Variants in SBK1 observed in about 807,000 individuals in gnomAD.
SBK1 encodes serine/threonine-protein kinase SBK1.
In SBK1, 11 loss-of-function variants were observed where a neutral mutation model predicts 24.4. The ratio of observed to expected loss-of-function variants is 0.45; its 90% CI spans 0.28 to 0.75. The LOEUF (loss-of-function observed/expected upper bound fraction) is 0.75, where lower values mean the gene tolerates loss of function less well. Ranked by LOEUF, SBK1 falls within the 30% of genes least tolerant of loss-of-function variation. SBK1 has a pLI of 0.12. For missense variants in SBK1, 467 were observed against 620.5 expected (o/e 0.75, Z 2.63); for synonymous variants, 308 against 284.4 (o/e 1.08, Z -0.83).
At chr16:28,312,156 T>C (rs2044758575) in intron 1 of SBK1, among the ~76,000 whole-genome samples, 1 of 152,072 alleles carries the variant, frequency 6.6e-6, no homozygotes, top group Admixed American at 6.5e-5. Flanking sequence ...CTGTTGGGCG[T>C]GGGGAGGAGT....
In SBK1 at chr16:28,322,936, CTCTCTCTCT is replaced by C. The variant is rs2044866875; in HGVS notation, c.*2016_*2024del. The C allele has an allele frequency of 6.2e-5, 1 of 16,086 alleles. No individual in the cohort carries two copies. The highest frequency in any genetic ancestry group is 1.8e-4 in the African/African-American group (1 of 5,482). 1.0% of individuals were successfully genotyped at this position (16,086 alleles called of 1,614,324 possible). A position where few individuals can be genotyped will look rare whatever the true frequency, so the allele number is the denominator to read the frequency against. On this transcript the variant is annotated 3_prime_UTR_variant, in exon 4 of 4. Transcript: ENST00000341901. Reference sequence around the variant, plus strand: ...TCGCGCGCGCTCTCTCTCTCCCTCTCTCTCTCTCTCTCTCTCTCTCTCTCTCTCTCTCTC... The same window carrying C: ...TCGCGCGCGCTCTCTCTCTCCCTCTCCTCTCTCTCTCTCTCTCTCTCTCTC...
chr16:28,285,471 C>T (rs1356926889), intron 1 of SBK1: 1 of 152,236 alleles, frequency 6.6e-6, no homozygotes, highest in African/African-American at 2.4e-5. Flanking sequence ...AGGAGAATCA[C>T]TTGAACCCAG....
At position 28,320,973 on chromosome 16, in the gene SBK1, G is replaced by A. The variant is rs2044840193; in HGVS notation, c.*52G>A. 2.3e-6 allele frequency: 3 copies of A among 1,331,478 alleles called. No individual in the cohort carries two copies. Among genetic ancestry groups the A allele is most frequent in the African/African-American group, 1.6e-5 (1 of 63,000 alleles). The allele number at this position is 1,331,478 out of a possible 1,614,324, so 82.5% of individuals were successfully genotyped here. ...GAGCAGCCCGGGCCCGCCCCGAGCC[G>A]GTGCCCGGTGCGGCGGTAGGGAATG... On this transcript the variant is annotated 3_prime_UTR_variant, in exon 4 of 4. Coordinates refer to ENST00000341901, the MANE Select transcript of SBK1 (RefSeq NM_001024401.3). This position sits in a 1 kb window ranked among gnomAD's most constrained non-coding sequence, Gnocchi z 8.5.
chr16:28,277,280 CG>C (rs1263594650), intron 1 of SBK1, among the ~76,000 whole-genome samples: 3 of 151,458 alleles, frequency 2.0e-5, no homozygotes, highest in Non-Finnish European at 4.4e-5. Flanking sequence ...GGTGTGGCTG[CG>C]TGGGGACTTT....
At position 28,319,744 on chromosome 16, in the gene SBK1, G is replaced by A. The variant is rs1338939427; in HGVS notation, c.430-332G>A. On this transcript the variant is annotated intron_variant, in intron 3 of 3. Coordinates refer to ENST00000341901, the MANE Select transcript of SBK1 (RefSeq NM_001024401.3). The surrounding 1 kb of genome is among the most constrained non-coding windows in gnomAD (Gnocchi z 4.0). ...AGCCCCGTTCTAGTTGGGGAAGACCGACGAGATAAGTATCTAGCAGGCAGG... is the reference window on the plus strand; with the variant it reads ...AGCCCCGTTCTAGTTGGGGAAGACCAACGAGATAAGTATCTAGCAGGCAGG... Among the ~76,000 whole-genome samples, 2 of 152,126 alleles carry A rather than the reference G, an allele frequency of 1.3e-5. No individual in the cohort carries two copies. The highest frequency in any genetic ancestry group is 2.1e-4 in the South Asian group (1 of 4,824).
rs1257903980 is a variant in SBK1 at position 28,317,516 on chromosome 16, G to T, written c.125G>T (p.Arg42Leu). ...LTEDMQALTL[R>L]TLAASDVTKH... ...GAAGACATGCAGGCCCTGACTCTCC[G>T]CACACTGGCCGCCAGCGACGTCACC... The change falls in exon 2 of 4, where the codon CGC (arginine) becomes CTC (leucine). Residue 42 changes from arginine (R) to leucine (L), a missense_variant. By Grantham distance (102) the Arg-to-Leu change is moderately radical (BLOSUM62 -2). Around this residue, in one of 4 missense-constraint regions of SBK1, gnomAD observed 123 missense variants for 158.2 expected, o/e 0.78. Coordinates refer to ENST00000341901, the MANE Select transcript of SBK1 (RefSeq NM_001024401.3). The surrounding 1 kb of genome is among the most constrained non-coding windows in gnomAD (Gnocchi z 4.2). 5 of 1,614,160 alleles carry T rather than the reference G, an allele frequency of 3.1e-6. No individual in the cohort carries two copies. The highest frequency in any genetic ancestry group is 3.3e-5 in the Admixed American group (2 of 60,018).
chr16:28,281,530 T>C (rs1399144179), intron 1 of SBK1, among the ~76,000 whole-genome samples: 1 of 151,334 alleles, frequency 6.6e-6, no homozygotes, highest in African/African-American at 2.4e-5. Flanking sequence ...TGGAATCGGG[T>C]GGGAGGAAGA....
intron 1 of SBK1, among the ~76,000 whole-genome samples, chr16:28,265,252 T>TA (rs919668428): frequency 1.3e-4 from 20 of 149,978 alleles, no homozygotes; most frequent in African/African-American, 3.2e-4. Flanking sequence ...CCATCTCTAT[T>TA]AAAAAAAGAA....
intron 1 of SBK1, chr16:28,285,357 CA>C (rs1227830190): frequency 6.6e-6 from 1 of 152,182 alleles, no homozygotes; most frequent in Non-Finnish European, 1.5e-5. Context: ...AGTTCAAGAC[CA>C]GCTTGGCCAG....
At position 28,260,961 on chromosome 16, in the gene SBK1, C is replaced by T. The variant is rs954707197; in HGVS notation, c.257+1459C>T. Among the ~76,000 whole-genome samples the T allele has an allele frequency of 7.9e-5, 12 of 152,098 alleles. 1 individual carries two copies. Among genetic ancestry groups the T allele is most frequent in the Admixed American group, 2.6e-4 (4 of 15,264 alleles). On this transcript the variant is annotated intron_variant, in intron 1 of 3. Coordinates refer to the SBK1 transcript ENST00000671413. Reference sequence around the variant, plus strand: ...GAGAGAGGCTGAGGAAAGGGCATCGCAGGCAGTGGGAACGGCAAGAGGGAA... The same window carrying T: ...GAGAGAGGCTGAGGAAAGGGCATCGTAGGCAGTGGGAACGGCAAGAGGGAA...
intron 1 of SBK1, among the ~76,000 whole-genome samples, chr16:28,302,061 G>C (rs2044683467): frequency 6.6e-6 from 1 of 152,222 alleles, no homozygotes; most frequent in South Asian, 2.1e-4. Context: ...GCTCCCAGGA[G>C]CCCTGTCCCT....
Position 28,320,861 on chromosome 16 carries a change from C to A in SBK1, c.1215C>A (p.Gly405=). 6.7e-7 allele frequency: 1 copy of A among 1,492,866 alleles called. No homozygotes were observed. Among genetic ancestry groups the A allele is most frequent in the African/African-American group, 1.5e-5 (1 of 68,402 alleles). The allele number at this position is 1,492,866 out of a possible 1,614,324, so 92.5% of individuals were successfully genotyped here. The change falls in exon 4 of 4, where the codon GGC becomes GGA. Residue 405 remains glycine, a synonymous_variant. Coordinates refer to ENST00000341901, the MANE Select transcript of SBK1 (RefSeq NM_001024401.3). This position sits in a 1 kb window ranked among gnomAD's most constrained non-coding sequence, Gnocchi z 8.5. ...AGGGGCCCCCCGGCCGGACCGACGG[C>A]CGCGCGGACAAGAGCAAAGGGCAGG... ...APQGPPGRTD[G]RADKSKGQVV...
upstream of SBK1, chr16:28,292,196 C>T (rs1033303703): frequency 6.7e-6 from 1 of 150,032 alleles, no homozygotes; most frequent in Non-Finnish European, 1.5e-5. Flanking sequence ...CTCTCAGACT[C>T]CCCCGAGTCC....
intron 1 of SBK1, chr16:28,285,916 C>A (rs2044562963): frequency 6.6e-6 from 1 of 152,422 alleles, no homozygotes; most frequent in Non-Finnish European, 1.5e-5. Flanking sequence ...CGTGATGTCA[C>A]AAAGAAGCAG....
At chr16:28,261,828 G>A (rs1357766187) in intron 1 of SBK1, among the ~76,000 whole-genome samples, 1 of 152,180 alleles carries the variant, frequency 6.6e-6, no homozygotes, top group Non-Finnish European at 1.5e-5. Context: ...ATAGGCCTTA[G>A]GGTTGGCAGC....
At position 28,282,927 on chromosome 16, in the gene SBK1, ATTTGTTTG is replaced by A. The variant is rs71140963; in HGVS notation, c.257+23441_257+23448del. Among the ~76,000 whole-genome samples, 21 of 147,048 alleles carry A rather than the reference ATTTGTTTG, an allele frequency of 1.4e-4. No individual in the cohort carries two copies. In the East Asian group the frequency reaches 2.4e-3, roughly 17 times the overall value. On this transcript the variant is annotated intron_variant, in intron 1 of 3. Transcript: ENST00000671413. ...CGCATTTTTATTTATTTATTTATTT[ATTTGTTTG>A]TTTGTTTGTTTGTTTAGAGACGGAG...
chr16:28,297,217 G>T (rs1213121683), intron 1 of SBK1, among the ~76,000 whole-genome samples: 5 of 152,150 alleles, frequency 3.3e-5, no homozygotes, highest in Non-Finnish European at 7.3e-5. Context: ...TGTAATCCCT[G>T]CTACTAGGGA....
chr16:28,294,391 C>T (rs567385824), intron 1 of SBK1, among the ~76,000 whole-genome samples: 6 of 152,292 alleles, frequency 3.9e-5, no homozygotes, highest in African/African-American at 1.2e-4. Context: ...TTGATAGGTG[C>T]ACAAACTGAG....
At chr16:28,309,083 C>G (rs776319998) in intron 1 of SBK1, among the ~76,000 whole-genome samples, 1 of 152,124 alleles carries the variant, frequency 6.6e-6, no homozygotes, top group Non-Finnish European at 1.5e-5. Context: ...ACAATGCAGA[C>G]GGGCAATCCT....
Sources: allele counts gnomAD v4.1 joint callset (sites outside exome capture counted in the v4.1 genomes callset), GRCh38; gene constraint gnomAD v4.1.1; regional missense constraint gnomAD v4.1.1; non-coding constraint Gnocchi (gnomAD v3.1); transcripts MANE v1.5; gene names NCBI Gene and HGNC (gene_info 2026-07-23, HGNC 2026-07-21).